GALNTL5: variants seen among roughly 807,000 people sequenced by gnomAD.
GALNTL5 encodes polypeptide N-acetylgalactosaminyltransferase like 5.
Under a neutral mutation model 51.0 loss-of-function variants are expected in GALNTL5, and 44 were observed. The ratio of observed to expected loss-of-function variants is 0.86; its 90% confidence interval spans 0.68 to 1.11. GALNTL5 has a LOEUF of 1.11. GALNTL5 is among the 50% of genes least tolerant of loss of function. The pLI is 0.00. For missense variants in GALNTL5, 528 were observed against 531.8 expected (o/e 0.99, Z 0.07); for synonymous variants, 192 against 182.8 (o/e 1.05, Z -0.41).
chr7:151,971,398 G>C (rs1168288740), intron 3 of GALNTL5, among the ~76,000 whole-genome samples: 3 of 151,924 alleles, frequency 2.0e-5, no homozygotes, highest in African/African-American at 7.3e-5. Flanking sequence ...AAAATGCTCT[G>C]GACAGCTACT....
chr7:151,985,517 C>G (rs1264677153), intron 4 of GALNTL5, among the ~76,000 whole-genome samples: 2 of 152,176 alleles, frequency 1.3e-5, no homozygotes, highest in Non-Finnish European at 2.9e-5. Context: ...TCCCAGCTGA[C>G]ACCTATAGGT....
rs1288689443 is a variant in GALNTL5 at position 152,019,851 on chromosome 7, A to G, written c.*50A>G. 8 of 1,480,060 alleles carry G rather than the reference A, an allele frequency of 5.4e-6. No homozygotes were observed. In the Admixed American group the frequency reaches 5.7e-5, roughly 11 times the overall value. 91.7% of individuals were successfully genotyped at this position (1,480,060 alleles called of 1,614,324 possible). ...ATAAAGGGTTAAAAGTCTCCTAGTC[A>G]TTCAACATAGTGTCACAAGAGTGTA... On this transcript the variant is annotated 3_prime_UTR_variant, in exon 9 of 9. Transcript: ENST00000392800.
chr7:152,014,417 G>T (rs113127171), intron 7 of GALNTL5, among the ~76,000 whole-genome samples: 3 of 152,040 alleles, frequency 2.0e-5, no homozygotes, highest in African/African-American at 7.2e-5. Flanking sequence ...ACAGGCATGC[G>T]CCACCACGCC....
chr7:152,006,714 G>C (rs558503732), intron 6 of GALNTL5, among the ~76,000 whole-genome samples: 5 of 152,216 alleles, frequency 3.3e-5, no homozygotes, highest in Non-Finnish European at 7.4e-5. Flanking sequence ...CTAAAACATA[G>C]GTGCTCAATA....
chr7:151,989,904 T>G (rs912811737), intron 5 of GALNTL5, among the ~76,000 whole-genome samples: 2 of 152,236 alleles, frequency 1.3e-5, no homozygotes, highest in Non-Finnish European at 2.9e-5. Flanking sequence ...GTTTCTAATG[T>G]GTTGTTTGTC....
chr7:152,007,805 C>T (rs1400174231), intron 6 of GALNTL5, 22 bp from the exon 7 acceptor site: 1 of 1,245,100 alleles, frequency 8.0e-7, no homozygotes, highest in Non-Finnish European at 1.2e-6. Flanking sequence ...AAATTAATTT[C>T]ATATTTATGT....
intron 5 of GALNTL5, among the ~76,000 whole-genome samples, chr7:151,997,021 CA>C (rs1184386123): frequency 6.6e-6 from 1 of 151,980 alleles, no homozygotes; most frequent in Non-Finnish European, 1.5e-5. Context: ...AACAAGTTAA[CA>C]AACGTTGCAA....
intron 5 of GALNTL5, among the ~76,000 whole-genome samples, chr7:151,997,427 G>A (rs1394776506): frequency 6.6e-6 from 1 of 152,182 alleles, no homozygotes; most frequent in African/African-American, 2.4e-5. Flanking sequence ...GTGAAGGAGA[G>A]AAATCAGCTG....
chr7:152,001,399 T>C (rs1160741096), intron 5 of GALNTL5, among the ~76,000 whole-genome samples: 1 of 152,180 alleles, frequency 6.6e-6, no homozygotes, highest in Non-Finnish European at 1.5e-5. Context: ...ATTTTAGCTC[T>C]TACCTTAGGT....
At chr7:152,004,414 G>A (rs888905265) in intron 6 of GALNTL5, among the ~76,000 whole-genome samples, 1 of 151,006 alleles carries the variant, frequency 6.6e-6, no homozygotes, top group Non-Finnish European at 1.5e-5. Flanking sequence ...ATTTTTTAAA[G>A]GTTAAAAGAA....
intron 5 of GALNTL5, among the ~76,000 whole-genome samples, chr7:151,998,119 G>A (rs570910437): frequency 6.6e-6 from 1 of 152,136 alleles, no homozygotes; most frequent in African/African-American, 2.4e-5. Context: ...TGAGGCAAGA[G>A]GATCGCTTGA....
intron 3 of GALNTL5, among the ~76,000 whole-genome samples, chr7:151,980,760 T>TTG (rs1399609422): frequency 1.1e-5 from 1 of 91,300 alleles, no homozygotes; most frequent in African/African-American, 3.3e-5. Flanking sequence ...TTTTTTTTTT[T>TTG]TTTGAGATGG....
At chr7:152,019,543 A>G (rs1331030926) in intron 8 of GALNTL5, 103 bp from the exon 9 acceptor site, 2 of 1,167,300 alleles carry the variant, frequency 1.7e-6, no homozygotes, top group Non-Finnish European at 2.4e-6. Context: ...GGGCTTTTTT[A>G]GTTCACATGA....
At chr7:151,972,663 ACTAAGG>A in intron 3 of GALNTL5, among the ~76,000 whole-genome samples, 1 of 152,326 alleles carries the variant, frequency 6.6e-6, no homozygotes, top group Non-Finnish European at 1.5e-5. Context: ...CCAAAGTACA[ACTAAGG>A]CTGTGGTTTC....
chr7:151,967,725 GCTTT>G (rs1255408479), intron 2 of GALNTL5, among the ~76,000 whole-genome samples: 1 of 151,986 alleles, frequency 6.6e-6, no homozygotes, highest in Non-Finnish European at 1.5e-5. Context: ...GCTTCAGAGA[GCTTT>G]CTGTTTTTCC....
chr7:152,006,608 G>A (rs1011582797), intron 6 of GALNTL5, among the ~76,000 whole-genome samples: 2 of 151,876 alleles, frequency 1.3e-5, no homozygotes, highest in African/African-American at 4.8e-5. Context: ...TTCTTATCCC[G>A]GATCCCATTA....
chr7:151,987,249 G>C lies in GALNTL5; in HGVS notation c.626G>C (p.Arg209Pro), dbSNP rs370379371. 1 of 1,592,968 alleles carries C rather than the reference G, an allele frequency of 6.3e-7. No individual in the cohort carries two copies. Among genetic ancestry groups the C allele is most frequent in the Non-Finnish European group, 8.5e-7 (1 of 1,173,238 alleles). The change falls in exon 5 of 9, where the codon CGA (arginine) becomes CCA (proline). Residue 209 changes from arginine (R) to proline (P), a missense_variant. Physicochemically the swap from Arg to Pro is moderately radical, Grantham distance 103. Transcript: ENST00000392800. ...IRNKKREGLI[R>P]ARLIGASHAS... is the part of the protein sequence containing the mutation. The stretch of plus-strand genomic sequence containing the variant: ...AACAAAAAGAGAGAGGGGCTGATTC[G>C]AGCAAGGCTGATTGGAGCTTCTCAT...
intron 4 of GALNTL5, among the ~76,000 whole-genome samples, chr7:151,986,532 C>T (rs908042953): frequency 6.6e-6 from 1 of 151,884 alleles, no homozygotes; most frequent in Non-Finnish European, 1.5e-5. Flanking sequence ...CTACTCAGGA[C>T]ATTGAGGCAC....
chr7:151,965,880 C>G (rs1261769340), intron 1 of GALNTL5, among the ~76,000 whole-genome samples: 2 of 151,688 alleles, frequency 1.3e-5, no homozygotes, highest in Admixed American at 6.6e-5. Flanking sequence ...GGAGTGAGAC[C>G]CAGTCTCAAA....
Sources: gnomAD v4.1 joint callset for allele counts (sites outside exome capture counted in the v4.1 genomes callset) on GRCh38, gnomAD v4.1.1 for gene constraint, MANE v1.5 for transcripts, NCBI Gene and HGNC (gene_info 2026-07-23, HGNC 2026-07-21) for gene names.